PECAM1: variants seen among roughly 807,000 people sequenced by gnomAD.
PECAM1 encodes platelet endothelial cell adhesion molecule.
In PECAM1, 8 loss-of-function variants were observed where a neutral mutation model predicts 13.8. The ratio of observed to expected loss-of-function variants is 0.58; its 90% CI spans 0.34 to 1.05. The LOEUF is 1.05. PECAM1 is among the 50% of genes least tolerant of loss of function. The pLI is 0.03. For synonymous variants in PECAM1, 136 were observed against 52.6 expected (o/e 2.58, Z -6.86); for missense variants, 304 against 141.2 (o/e 2.15, Z -5.84).
intron 5 of PECAM1, 115 bp downstream of exon 5, chr17:64,369,635 A>G (rs1215395202): frequency 2.5e-6 from 1 of 397,344 alleles, no homozygotes; most frequent in South Asian, 1.4e-4. Flanking sequence ...GAGCACATTC[A>G]TTCAGATAAG....
rs1171984221 is a variant in PECAM1, at chr17:64,336,891, GGAAGGAGA to G, written c.2164+4735_2164+4742del. Among the ~76,000 whole-genome samples, 7 of 142,800 alleles carry G rather than the reference GGAAGGAGA, an allele frequency of 4.9e-5. No individual in the cohort carries two copies. In the East Asian group the frequency reaches 1.4e-3, roughly 29 times the overall value. 93.7% of individuals were successfully genotyped at this position (142,800 alleles called of 152,430 possible). A position where few individuals can be genotyped will look rare whatever the true frequency, so the allele number is the denominator to read the frequency against. On this transcript the variant is annotated intron_variant, in intron 14 of 15. Transcript: ENST00000563924. ...GAAAGAAAAGAAAAGAAAGAAGGAAGGAAGGAGAGAGAGAGAGAGAGAAAGATAGAAAG... is the reference window on the plus strand; with the variant it reads ...GAAAGAAAAGAAAAGAAAGAAGGAAGGAGAGAGAGAGAGAAAGATAGAAAG...
At chr17:64,350,666 A>T (rs1568018517) in intron 11 of PECAM1, among the ~76,000 whole-genome samples, 1 of 139,728 alleles carries the variant, frequency 7.2e-6, no homozygotes, top group Non-Finnish European at 1.5e-5. Context: ...TTTTGAGGCA[A>T]TGTCTTGCTC....
At chr17:64,361,397 T>C (rs1409308196) in intron 6 of PECAM1, among the ~76,000 whole-genome samples, 2 of 151,814 alleles carry the variant, frequency 1.3e-5, no homozygotes, top group Non-Finnish European at 2.9e-5. Context: ...CCACCCACCT[T>C]GGCCTGCCAA....
At chr17:64,373,043 C>T (rs907409799) in intron 4 of PECAM1, among the ~76,000 whole-genome samples, 1 of 151,212 alleles carries the variant, frequency 6.6e-6, no homozygotes, top group Non-Finnish European at 1.5e-5. Flanking sequence ...ACCCGGGAGG[C>T]GGAGGTTGCG....
chr17:64,339,993 T>A (rs2035384229), intron 14 of PECAM1, among the ~76,000 whole-genome samples: 2 of 152,092 alleles, frequency 1.3e-5, no homozygotes, highest in South Asian at 4.1e-4. Flanking sequence ...CTACCAAAAA[T>A]ACAAAAACTT....
At chr17:64,355,463 G>A (rs1022272713) in intron 8 of PECAM1, among the ~76,000 whole-genome samples, 35 of 152,044 alleles carry the variant, frequency 2.3e-4, no homozygotes, top group Non-Finnish European at 4.7e-4. Context: ...GCTATTTTTT[G>A]TTGGTTTGAT....
rs2034783518 is a variant in PECAM1, at chr17:64,319,596, T to C, written c.*4220A>G. On this transcript the variant is annotated 3_prime_UTR_variant, in exon 16 of 16. Transcript: ENST00000563924. The stretch of plus-strand genomic sequence containing the variant: ...GTCTCATCTCCCCTGATTCTTCCCT[T>C]GCAGCAGGCTGTCCGCGTATGTGGT... 6.6e-6 allele frequency: 1 copy of C among 152,168 alleles called. No homozygotes were observed. Among genetic ancestry groups the C allele is most frequent in the African/African-American group, 2.4e-5 (1 of 41,426 alleles). The allele number at this position is 152,168 out of a possible 1,614,324, so 9.4% of individuals were successfully genotyped here.
rs1568045941 is a variant in PECAM1 at position 64,390,785 on chromosome 17, C to G, written c.-120G>C. On this transcript the variant is annotated 5_prime_UTR_variant, in exon 1 of 16. Coordinates refer to ENST00000563924, the MANE Select transcript of PECAM1 (RefSeq NM_000442.5). Reference sequence around the variant, plus strand: ...CGCCCTGTGAAAAGCAGAAATTGCTCTGGTCACTTCTCCCGGCGCCTGCAG... The same window carrying G: ...CGCCCTGTGAAAAGCAGAAATTGCTGTGGTCACTTCTCCCGGCGCCTGCAG... 1 of 399,042 alleles carries G rather than the reference C, an allele frequency of 2.5e-6. No homozygotes were observed. Among genetic ancestry groups the G allele is most frequent in the Admixed American group, 4.4e-5 (1 of 22,688 alleles). The allele number at this position is 399,042 out of a possible 1,614,324, so 24.7% of individuals were successfully genotyped here.
intron 6 of PECAM1, among the ~76,000 whole-genome samples, chr17:64,362,783 C>A (rs1184603100): frequency 6.6e-6 from 1 of 151,288 alleles, no homozygotes; most frequent in Non-Finnish European, 1.5e-5. Flanking sequence ...ACCTAGGAGG[C>A]AGAGGTTGCA....
intron 4 of PECAM1, among the ~76,000 whole-genome samples, chr17:64,372,053 C>T (rs1251143602): frequency 6.6e-6 from 1 of 151,966 alleles, no homozygotes; most frequent in Non-Finnish European, 1.5e-5. Context: ...ATACAAATCA[C>T]CACAACAATG....
At chr17:64,382,709 A>G (rs984003310) in intron 2 of PECAM1, among the ~76,000 whole-genome samples, 3 of 149,522 alleles carry the variant, frequency 2.0e-5, no homozygotes, top group Non-Finnish European at 2.9e-5. Context: ...TCTCCACTAC[A>G]TGTTTCTAGG....
At chr17:64,386,165 G>A (rs1433686884) in intron 2 of PECAM1, among the ~76,000 whole-genome samples, 6 of 152,168 alleles carry the variant, frequency 3.9e-5, no homozygotes, top group Non-Finnish European at 2.9e-5. Flanking sequence ...AGCACTTCGG[G>A]AGGCCAAGAC....
intron 6 of PECAM1, among the ~76,000 whole-genome samples, chr17:64,360,814 A>ATGTGTGTGTGTGTGTGTG (rs144008571): frequency 1.4e-5 from 2 of 141,332 alleles, no homozygotes; most frequent in Admixed American, 1.4e-4. Flanking sequence ...AGCCAACAAA[A>ATGTGTGTGTGTGTGTGTG]TGTGTGTGTG....
intron 5 of PECAM1, among the ~76,000 whole-genome samples, chr17:64,365,673 T>A (rs2036088321): frequency 6.6e-6 from 1 of 150,456 alleles, no homozygotes; most frequent in East Asian, 2.0e-4. Flanking sequence ...ACGCCGCATA[T>A]CAACAACTAT....
intron 14 of PECAM1, among the ~76,000 whole-genome samples, 166 bp downstream of exon 14, chr17:64,341,468 G>A (rs2035429118): frequency 6.6e-6 from 1 of 152,146 alleles, no homozygotes; most frequent in South Asian, 2.1e-4. Flanking sequence ...GACCCGAGGT[G>A]ACTTTTTAAG....
At chr17:64,383,148 T>G (rs2036519727) in intron 2 of PECAM1, among the ~76,000 whole-genome samples, 1 of 152,080 alleles carries the variant, frequency 6.6e-6, no homozygotes, top group South Asian at 2.1e-4. Context: ...TCCACACGAG[T>G]CATTCATCTG....
intron 4 of PECAM1, 24 bp from the exon 5 acceptor site, chr17:64,370,049 G>T (rs988095282): frequency 2.5e-6 from 1 of 398,500 alleles, no homozygotes; most frequent in Non-Finnish European, 4.4e-6. Flanking sequence ...AGACAACCTG[G>T]TTGGACTCAG....
At chr17:64,366,182 T>G (rs1161885870) in intron 5 of PECAM1, among the ~76,000 whole-genome samples, 1 of 142,168 alleles carries the variant, frequency 7.0e-6, no homozygotes, top group Non-Finnish European at 1.6e-5. Flanking sequence ...CAGACACTTC[T>G]CAAAAGAAGA....
At chr17:64,386,812 A>C (rs2036603432) in intron 2 of PECAM1, among the ~76,000 whole-genome samples, 1 of 152,122 alleles carries the variant, frequency 6.6e-6, no homozygotes. Flanking sequence ...AAGGAAGACA[A>C]AGTGATGGTG....
Sources: gnomAD v4.1 joint callset for allele counts (sites outside exome capture counted in the v4.1 genomes callset) on GRCh38, gnomAD v4.1.1 for gene constraint, MANE v1.5 for transcripts, NCBI Gene and HGNC (gene_info 2026-07-23, HGNC 2026-07-21) for gene names.